The following BBOX1 variants were observed in gnomAD, a reference collection of about 807,000 sequenced individuals.
BBOX1 encodes gamma-butyrobetaine hydroxylase 1.
In BBOX1, 35 loss-of-function variants were observed where a neutral mutation model predicts 41.6. That is an observed-to-expected ratio of 0.84 (90% CI 0.64 to 1.11). The LOEUF is 1.11. Ranked by LOEUF, BBOX1 falls within the 50% of genes most tolerant of loss-of-function variation. BBOX1 has a pLI of 0.00. For missense variants in BBOX1, 458 were observed against 460.6 expected (o/e 0.99, Z 0.05); for synonymous variants, 163 against 154.7 (o/e 1.05, Z -0.40).
intron 4 of BBOX1, chr11:27,066,603 T>G (rs1857288663): frequency 6.8e-6 from 1 of 148,078 alleles, no homozygotes; most frequent in African/African-American, 2.5e-5. Context: ...TTTTAGATTT[T>G]AGAACCAAAC....
chr11:27,050,788 C>A (rs1851648703), intron 2 of BBOX1, among the ~76,000 whole-genome samples: 1 of 152,046 alleles, frequency 6.6e-6, no homozygotes, highest in African/African-American at 2.4e-5. Flanking sequence ...AAAACAAGGA[C>A]AATTTTAGTT....
intron 4 of BBOX1, among the ~76,000 whole-genome samples, chr11:27,073,257 T>G (rs1383067613): frequency 6.6e-6 from 1 of 152,130 alleles, no homozygotes; most frequent in Non-Finnish European, 1.5e-5. Flanking sequence ...GGGTGAAGGA[T>G]ATGAACAGAC....
At chr11:27,067,607 G>A (rs1363949465) in intron 4 of BBOX1, among the ~76,000 whole-genome samples, 3 of 151,402 alleles carry the variant, frequency 2.0e-5, no homozygotes, top group African/African-American at 7.3e-5. Context: ...GCATGCGACT[G>A]TAGTCCCAGG....
intron 4 of BBOX1, among the ~76,000 whole-genome samples, chr11:27,086,268 GA>G (rs1858036671): frequency 6.6e-6 from 1 of 152,062 alleles, no homozygotes; most frequent in African/African-American, 2.4e-5. Flanking sequence ...CTAAAAAAGA[GA>G]GGTCAATGCC....
At chr11:27,111,865 T>C (rs1278842463) in intron 5 of BBOX1, among the ~76,000 whole-genome samples, 1 of 151,936 alleles carries the variant, frequency 6.6e-6, no homozygotes, top group Non-Finnish European at 1.5e-5. Flanking sequence ...TTCTGAGTGA[T>C]AAATCTTTTT....
At chr11:27,121,023 A>G (rs1859440823) in intron 7 of BBOX1, among the ~76,000 whole-genome samples, 1 of 152,196 alleles carries the variant, frequency 6.6e-6, no homozygotes, top group Admixed American at 6.5e-5. Flanking sequence ...TTAAGAAAAA[A>G]AGGAAGAGCA....
At chr11:27,083,569 A>G (rs1857929586) in intron 4 of BBOX1, among the ~76,000 whole-genome samples, 1 of 152,098 alleles carries the variant, frequency 6.6e-6, no homozygotes. Context: ...TGGCATAAAT[A>G]GCTTCTCTTT....
intron 2 of BBOX1, among the ~76,000 whole-genome samples, chr11:27,054,205 C>CTGTGTGTGTGTGTGTGTGTGTGTGTG (rs57324926): frequency 2.2e-5 from 3 of 139,376 alleles, no homozygotes; most frequent in African/African-American, 7.7e-5. Flanking sequence ...GTGTGTGTGT[C>CTGTGTGTGTGTGTGTGTGTGTGTGTG]TGTGTGTGTG....
chr11:27,102,290 T>C (rs1475393220), intron 5 of BBOX1, among the ~76,000 whole-genome samples: 1 of 152,118 alleles, frequency 6.6e-6, no homozygotes, highest in African/African-American at 2.4e-5. Context: ...AAAGTGAGGT[T>C]TGTGTTTGTT....
intron 4 of BBOX1, among the ~76,000 whole-genome samples, chr11:27,062,730 T>C (rs1302104140): frequency 1.3e-5 from 2 of 152,132 alleles, no homozygotes; most frequent in East Asian, 3.9e-4. Context: ...ACCCAGCTAA[T>C]TTTTGTATTT....
intron 4 of BBOX1, among the ~76,000 whole-genome samples, chr11:27,070,236 G>C (rs533251240): frequency 3.3e-5 from 5 of 152,212 alleles, no homozygotes; most frequent in African/African-American, 1.2e-4. Context: ...TGTGTGTTCT[G>C]CAGTTATTGG....
intron 5 of BBOX1, among the ~76,000 whole-genome samples, chr11:27,113,702 C>T (rs1313532907): frequency 6.6e-6 from 1 of 151,542 alleles, no homozygotes; most frequent in Non-Finnish European, 1.5e-5. Context: ...CACCTACTGG[C>T]TACTATATAT....
intron 4 of BBOX1, among the ~76,000 whole-genome samples, chr11:27,062,700 A>G (rs1025686709): frequency 6.6e-6 from 1 of 151,870 alleles, no homozygotes; most frequent in Non-Finnish European, 1.5e-5. Context: ...TACAGGTGCT[A>G]CAAGGACTAC....
At chr11:27,093,448 A>G in intron 5 of BBOX1, 82 bp downstream of exon 5, 1 of 1,366,796 alleles carries the variant, frequency 7.3e-7, no homozygotes, top group Non-Finnish European at 1.0e-6. Context: ...GCCTTGATTG[A>G]AGATACAGAA....
chr11:27,121,072 G>A (rs926505139), intron 7 of BBOX1, among the ~76,000 whole-genome samples: 2 of 152,082 alleles, frequency 1.3e-5, no homozygotes, highest in Admixed American at 6.6e-5. Flanking sequence ...TAGCAAGGAC[G>A]GAAATTGCAT....
At chr11:27,064,158 A>G (rs896849203) in intron 4 of BBOX1, among the ~76,000 whole-genome samples, 2 of 150,778 alleles carry the variant, frequency 1.3e-5, no homozygotes, top group Non-Finnish European at 3.0e-5. Context: ...TTGTTTCACT[A>G]TTGTTTGGTA....
chr11:27,123,219 C>T (rs192062048), intron 7 of BBOX1, among the ~76,000 whole-genome samples: 7 of 152,052 alleles, frequency 4.6e-5, no homozygotes, highest in Non-Finnish European at 7.4e-5. Flanking sequence ...TACACTATAA[C>T]ACACACAAAA....
intron 3 of BBOX1, among the ~76,000 whole-genome samples, chr11:27,056,595 A>T: frequency 6.6e-6 from 1 of 152,154 alleles, no homozygotes; most frequent in Non-Finnish European, 1.5e-5. Context: ...AGGAATCTTA[A>T]TTGACAACTA....
At chr11:27,124,038 C>T (rs1198580705) in intron 7 of BBOX1, among the ~76,000 whole-genome samples, 2 of 152,136 alleles carry the variant, frequency 1.3e-5, no homozygotes, top group East Asian at 1.9e-4. Context: ...TTACAATTGC[C>T]GTTTGGCTCA....
Sources: allele counts gnomAD v4.1 joint callset (sites outside exome capture counted in the v4.1 genomes callset), GRCh38; gene constraint gnomAD v4.1.1; transcripts MANE v1.5; gene names NCBI Gene and HGNC (gene_info 2026-07-23, HGNC 2026-07-21).